The following CELF2 variants were observed in gnomAD, a reference collection of about 807,000 sequenced individuals.
CELF2 encodes CUG triplet repeat RNA-binding protein 2.
CELF2 carries 8 observed loss-of-function variants against 62.6 expected under a neutral mutation model. The observed-to-expected ratio is 0.13, with a 90% CI of 0.07 to 0.23. The LOEUF is 0.23. Ranked by LOEUF, CELF2 falls within the 10% of genes least tolerant of loss-of-function variation. The pLI is 1.00. For missense variants in CELF2, 333 were observed against 671.0 expected, an observed-to-expected ratio of 0.50 and a Z score of 5.56; for synonymous variants, 258 against 250.0, an observed-to-expected ratio of 1.03 and a Z score of -0.30.
intron 1 of CELF2, among the ~76,000 whole-genome samples, chr10:10,915,956 G>A (rs915206008): frequency 2.6e-5 from 4 of 152,162 alleles, no homozygotes; most frequent in African/African-American, 7.2e-5. Flanking sequence ...GATGATTTAC[G>A]CTTAGGAAGC....
At chr10:10,641,511 G>A in the CELF2 span, among the ~76,000 whole-genome samples, 8 of 152,084 alleles carry the variant, frequency 5.3e-5, no homozygotes, top group African/African-American at 1.9e-4. Context: ...TGGGGTCTCT[G>A]CTCACTGCAA....
At chr10:10,678,835 T>C in the CELF2 span, among the ~76,000 whole-genome samples, 15 of 152,310 alleles carry the variant, frequency 9.8e-5, no homozygotes, top group Non-Finnish European at 1.6e-4. Flanking sequence ...GATCTGAGCT[T>C]TCGAAGTCAT....
the CELF2 span, among the ~76,000 whole-genome samples, chr10:10,525,600 T>C: frequency 1.3e-5 from 2 of 152,208 alleles, no homozygotes; most frequent in Admixed American, 1.3e-4. Context: ...AAATTTGTCT[T>C]TCTTTGCCTG....
At chr10:11,031,316 G>C (rs977395970) in intron 1 of CELF2, among the ~76,000 whole-genome samples, 1 of 152,190 alleles carries the variant, frequency 6.6e-6, no homozygotes, top group African/African-American at 2.4e-5. Context: ...GAGTTTCAAT[G>C]ATGGACAGCT....
intron 2 of CELF2, among the ~76,000 whole-genome samples, chr10:11,194,594 G>A (rs2056922496): frequency 6.6e-6 from 1 of 152,112 alleles, no homozygotes; most frequent in African/African-American, 2.4e-5. Flanking sequence ...CTGCACAAAG[G>A]GAAGATGGCC....
In CELF2 at chr10:11,075,614, T is replaced by A. The variant is rs1347452647; in HGVS notation, c.74+57451T>A. On this transcript the variant is annotated intron_variant, in intron 1 of 12. Coordinates refer to ENST00000633077, the MANE Select transcript of CELF2 (RefSeq NM_001326342.2). The surrounding 1 kb of genome is among the most constrained non-coding windows in gnomAD (Gnocchi z 5.4). Reference sequence around the variant, plus strand: ...GTGAACATACGTATGGACTTAAATGTCCAGGGTCTACAGTGAATGTTGGTT... The same window carrying A: ...GTGAACATACGTATGGACTTAAATGACCAGGGTCTACAGTGAATGTTGGTT... Among the ~76,000 whole-genome samples, 2 of 152,166 alleles carry A rather than the reference T, an allele frequency of 1.3e-5. No homozygotes were observed. Among genetic ancestry groups the A allele is most frequent in the Non-Finnish European group, 2.9e-5 (2 of 68,032 alleles).
At chr10:10,642,772 C>A in the CELF2 span, among the ~76,000 whole-genome samples, 21 of 152,220 alleles carry the variant, frequency 1.4e-4, no homozygotes, top group Non-Finnish European at 2.9e-5. Flanking sequence ...CAAAATGATT[C>A]TTTTTCCCAA....
chr10:10,830,860 T>A (rs1250016228), intron 1 of CELF2, among the ~76,000 whole-genome samples: 1 of 152,258 alleles, frequency 6.6e-6, no homozygotes, highest in African/African-American at 2.4e-5. Flanking sequence ...ACTGTGTTTT[T>A]ATCACAGTGG....
chr10:10,734,429 G>A, the CELF2 span, among the ~76,000 whole-genome samples: 1 of 152,320 alleles, frequency 6.6e-6, no homozygotes, highest in South Asian at 2.1e-4. Flanking sequence ...GGTGCTGGGT[G>A]CTGTTAGGAT....
chr10:11,201,568 C>T (rs949621944), intron 2 of CELF2, among the ~76,000 whole-genome samples: 3 of 152,226 alleles, frequency 2.0e-5, no homozygotes, highest in African/African-American at 7.2e-5. Flanking sequence ...AGCCTTTAGT[C>T]ACGTGGCAAG....
the CELF2 span, among the ~76,000 whole-genome samples, chr10:10,531,298 T>C: frequency 0.67 from 101,404 of 152,096 alleles, 34,058 homozygotes; most frequent in East Asian, 0.86. Context: ...GAACTCTGGA[T>C]GTAGTAGATT....
intron 1 of CELF2, among the ~76,000 whole-genome samples, chr10:11,111,834 A>G (rs542470976): frequency 1.3e-5 from 2 of 152,376 alleles, no homozygotes; most frequent in Non-Finnish European, 2.9e-5. Flanking sequence ...AATACGTCTT[A>G]GAAAGAGATT....
chr10:10,931,817 G>A lies in CELF2; in HGVS notation c.89+11818G>A, dbSNP rs546785572. 2.0e-5 allele frequency among the ~76,000 whole-genome samples: 3 copies of A among 152,262 alleles called. No individual in the cohort carries two copies. In the East Asian group the frequency reaches 5.8e-4, roughly 29 times the overall value. Reference sequence around the variant, plus strand: ...ACAACTGAGTAATTTATAAAGACATGAGGTTTAATGGACTCACAGTTCCAC... The same window carrying A: ...ACAACTGAGTAATTTATAAAGACATAAGGTTTAATGGACTCACAGTTCCAC... On this transcript the variant is annotated intron_variant, in intron 2 of 13. Transcript: ENST00000636488. The surrounding 1 kb of genome is among the most constrained non-coding windows in gnomAD (Gnocchi z 6.1).
At chr10:10,578,070 T>C in the CELF2 span, among the ~76,000 whole-genome samples, 40,276 of 151,928 alleles carry the variant, frequency 0.27, 5,581 homozygotes, top group African/African-American at 0.36. Context: ...TGTGAGATGG[T>C]ATCTCATTGT....
At chr10:10,566,895 A>G in the CELF2 span, among the ~76,000 whole-genome samples, 26 of 152,192 alleles carry the variant, frequency 1.7e-4, no homozygotes, top group Non-Finnish European at 3.4e-4. Flanking sequence ...ATCTCTACTT[A>G]AATTTTTATA....
the CELF2 span, among the ~76,000 whole-genome samples, chr10:10,536,365 T>C: frequency 2.6e-5 from 4 of 152,194 alleles, no homozygotes; most frequent in African/African-American, 9.6e-5. Context: ...CTTGATGTAC[T>C]TTCCACAAAC....
At chr10:11,093,822 ATGAC>A (rs1296707949) in intron 1 of CELF2, among the ~76,000 whole-genome samples, 7 of 152,242 alleles carry the variant, frequency 4.6e-5, no homozygotes, top group African/African-American at 1.4e-4. Context: ...GAACTCCAGA[ATGAC>A]TGACTAATAA....
the CELF2 span, among the ~76,000 whole-genome samples, chr10:10,762,779 T>C: frequency 2.0e-4 from 30 of 152,256 alleles, no homozygotes; most frequent in African/African-American, 7.2e-4. Context: ...TGGTGGCTCA[T>C]GCCTGTAATC....
chr10:11,316,706 G>C lies in CELF2; in HGVS notation c.1096+2448G>C, dbSNP rs998299867. 6.6e-6 allele frequency: 1 copy of C among 152,046 alleles called. No individual in the cohort carries two copies. Among genetic ancestry groups the C allele is most frequent in the Non-Finnish European group, 1.5e-5 (1 of 68,002 alleles). The allele number at this position is 152,046 out of a possible 1,614,324, so 9.4% of individuals were successfully genotyped here. A position where few individuals can be genotyped will look rare whatever the true frequency, so the allele number is the denominator to read the frequency against. On this transcript the variant is annotated intron_variant, in intron 10 of 12. Coordinates refer to ENST00000633077, the MANE Select transcript of CELF2 (RefSeq NM_001326342.2). This position sits in a 1 kb window ranked among gnomAD's most constrained non-coding sequence, Gnocchi z 4.4. ...GCCAACTCTTACCCACCGACACAGCGGTCAGCAAGAAAGCAGGTAGATGAC... is the reference window on the plus strand; with the variant it reads ...GCCAACTCTTACCCACCGACACAGCCGTCAGCAAGAAAGCAGGTAGATGAC...
Sources: allele counts gnomAD v4.1 joint callset (sites outside exome capture counted in the v4.1 genomes callset), GRCh38; gene constraint gnomAD v4.1.1; non-coding constraint Gnocchi (gnomAD v3.1); transcripts MANE v1.5; gene names NCBI Gene and HGNC (gene_info 2026-07-23, HGNC 2026-07-21).